The following EMP2 variants were observed in gnomAD, a reference collection of about 807,000 sequenced individuals.
The protein encoded by EMP2 is epithelial membrane protein 2.
Under a neutral mutation model 13.7 loss-of-function variants are expected in EMP2, and 19 were observed. The ratio of observed to expected loss-of-function variants is 1.38; its 90% CI spans 0.97 to 2.03. The LOEUF (loss-of-function observed/expected upper bound fraction) is 2.03, where lower values mean the gene tolerates loss of function less well. Among genes scored for constraint, EMP2 ranks in the 30% most tolerant of loss-of-function variants. The pLI is 0.00. For synonymous variants in EMP2, 97 were observed against 84.7 expected (o/e 1.15, Z -0.80); for missense variants, 253 against 220.7 (o/e 1.15, Z -0.93).
At chr16:10,574,639 A>T (rs1445048134) in intron 1 of EMP2, among the ~76,000 whole-genome samples, 1 of 152,028 alleles carries the variant, frequency 6.6e-6, no homozygotes, top group Non-Finnish European at 1.5e-5. Context: ...GCTCACTGCA[A>T]GCTCTGGGTT....
At chr16:10,566,905 G>T (rs1470039234) in intron 1 of EMP2, among the ~76,000 whole-genome samples, 2 of 151,876 alleles carry the variant, frequency 1.3e-5, no homozygotes, top group Non-Finnish European at 2.9e-5. Context: ...CCCCTTCTTT[G>T]TCCCCAACAA....
At chr16:10,561,268 T>G (rs1567208101) in intron 1 of EMP2, among the ~76,000 whole-genome samples, 1 of 152,174 alleles carries the variant, frequency 6.6e-6, no homozygotes, top group Non-Finnish European at 1.5e-5. Flanking sequence ...CATTTGGTTT[T>G]AGAAATTGGT....
intron 4 of EMP2, among the ~76,000 whole-genome samples, chr16:10,533,693 G>T (rs752439638): frequency 6.6e-6 from 1 of 152,168 alleles, no homozygotes; most frequent in African/African-American, 2.4e-5. Context: ...CATGTGGCAG[G>T]CCAGATTTGA....
At chr16:10,547,474 A>G (rs1340127638) in intron 2 of EMP2, 66 bp downstream of exon 2, 18 of 1,559,160 alleles carry the variant, frequency 1.2e-5, no homozygotes, top group Non-Finnish European at 1.6e-5. Flanking sequence ...GAACAGACCA[A>G]TACAACCCAC....
intron 1 of EMP2, among the ~76,000 whole-genome samples, chr16:10,557,356 C>CA (rs71402497): frequency 0.38 from 40,452 of 107,164 alleles, 7,028 homozygotes; most frequent in Non-Finnish European, 0.45. Flanking sequence ...GACTCCATCT[C>CA]AAAAAAAAAA....
Position 10,535,292 on chromosome 16 carries a change from G to A in EMP2, c.317-2200C>T, listed in dbSNP as rs1467598236. Among the ~76,000 whole-genome samples, 4 of 152,106 alleles carry A rather than the reference G, an allele frequency of 2.6e-5. No homozygotes were observed. In the South Asian group the frequency reaches 8.3e-4, roughly 32 times the overall value. ...ATGGGATGCTATGCAAGGAAAATGG[G>A]AAGACGTGACTTTCATATTAAAATA... On this transcript the variant is annotated intron_variant, in intron 4 of 4. Transcript: ENST00000359543.
At chr16:10,563,908 C>G (rs958156993) in intron 1 of EMP2, among the ~76,000 whole-genome samples, 1 of 152,202 alleles carries the variant, frequency 6.6e-6, no homozygotes, top group Non-Finnish European at 1.5e-5. Flanking sequence ...AGGCGAGCCC[C>G]CAAATTGGGG....
Position 10,536,149 on chromosome 16 carries a change from G to A in EMP2, c.316+1779C>T, listed in dbSNP as rs2050645505. On this transcript the variant is annotated intron_variant, in intron 4 of 4. Transcript: ENST00000359543. Reference sequence around the variant, plus strand: ...TGGCTGTCCAGTAAAAGTGCCCCAAGGGGAGGGGACGCTGAGTGTGACCAA... The same window carrying A: ...TGGCTGTCCAGTAAAAGTGCCCCAAAGGGAGGGGACGCTGAGTGTGACCAA... Among the ~76,000 whole-genome samples the A allele has an allele frequency of 2.0e-5, 3 of 152,228 alleles. No individual in the cohort carries two copies. In the South Asian group the frequency reaches 6.2e-4, roughly 32 times the overall value.
At chr16:10,539,872 T>C (rs1194715098) in intron 3 of EMP2, among the ~76,000 whole-genome samples, 2 of 150,854 alleles carry the variant, frequency 1.3e-5, no homozygotes, top group Admixed American at 1.3e-4. Flanking sequence ...ACAGCAGTAC[T>C]TCCCAAATCT....
rs79831871 is a variant in EMP2 at position 10,556,326 on chromosome 16, C to T, written c.-60-8649G>A. ...AAGTCTTCTGTTGCAGAACCCCAAA[C>T]GCAACAAATGTATGGTTTTGGTTAC... On this transcript the variant is annotated intron_variant, in intron 1 of 4. Transcript: ENST00000359543. Among the ~76,000 whole-genome samples, 1,277 of 152,222 alleles carry T rather than the reference C, an allele frequency of 8.4e-3. 7 individuals are homozygous for T. The highest frequency in any genetic ancestry group is 0.024 in the Middle Eastern group (7 of 294).
At chr16:10,555,699 T>C (rs12149924) in intron 1 of EMP2, among the ~76,000 whole-genome samples, 9,587 of 152,000 alleles carry the variant, frequency 0.063, 356 homozygotes, top group African/African-American at 0.089. Context: ...GCAATTCTCA[T>C]GCCTCAGCCT....
At chr16:10,558,649 G>T (rs552904574) in intron 1 of EMP2, among the ~76,000 whole-genome samples, 1 of 152,156 alleles carries the variant, frequency 6.6e-6, no homozygotes, top group Admixed American at 6.5e-5. Flanking sequence ...AAAGTCTGTG[G>T]GATCTGCCCA....
intron 3 of EMP2, among the ~76,000 whole-genome samples, chr16:10,539,838 G>C (rs1162056626): frequency 6.6e-6 from 1 of 152,154 alleles, no homozygotes; most frequent in African/African-American, 2.4e-5. Context: ...CCAATATGGA[G>C]CCCAAGTGGT....
chr16:10,570,663 G>A (rs1476447306), intron 1 of EMP2, among the ~76,000 whole-genome samples: 1 of 152,114 alleles, frequency 6.6e-6, no homozygotes, highest in Non-Finnish European at 1.5e-5. Context: ...CTCCCAAAGT[G>A]CTGGGATTAC....
At chr16:10,579,926 G>C (rs1022700456) in intron 1 of EMP2, among the ~76,000 whole-genome samples, 2 of 152,192 alleles carry the variant, frequency 1.3e-5, no homozygotes, top group African/African-American at 2.4e-5. Flanking sequence ...ACGAGCTGCA[G>C]CCTCTCCTAC....
intron 1 of EMP2, among the ~76,000 whole-genome samples, chr16:10,561,724 C>T: frequency 6.6e-6 from 1 of 152,126 alleles, no homozygotes; most frequent in Non-Finnish European, 1.5e-5. Flanking sequence ...GTGTCAGGTG[C>T]CTGGCATGTT....
intron 4 of EMP2, among the ~76,000 whole-genome samples, chr16:10,537,630 C>T (rs1347634261): frequency 1.3e-5 from 2 of 152,256 alleles, no homozygotes; most frequent in Admixed American, 6.5e-5. Context: ...AGACACAACA[C>T]TGTCGACAGC....
chr16:10,550,363 G>A (rs774971199), intron 1 of EMP2, among the ~76,000 whole-genome samples: 10 of 152,156 alleles, frequency 6.6e-5, no homozygotes, highest in East Asian at 1.9e-4. Context: ...CTGCATTTTC[G>A]TTTCAGGTCT....
intron 1 of EMP2, among the ~76,000 whole-genome samples, chr16:10,573,120 G>A (rs551322125): frequency 2.0e-5 from 3 of 152,270 alleles, no homozygotes; most frequent in Admixed American, 1.3e-4. Context: ...CACAATCTCA[G>A]CTCACTGCAG....
Sources: gnomAD v4.1 joint callset for allele counts (sites outside exome capture counted in the v4.1 genomes callset) on GRCh38, gnomAD v4.1.1 for gene constraint, MANE v1.5 for transcripts, NCBI Gene and HGNC (gene_info 2026-07-23, HGNC 2026-07-21) for gene names.